HCLS1: variants seen among roughly 807,000 people sequenced by gnomAD.
HCLS1 encodes hematopoietic cell-specific Lyn substrate 1, also known as hematopoietic lineage cell-specific protein.
HCLS1 carries 44 observed loss-of-function variants against 68.6 expected under a neutral mutation model. The observed-to-expected ratio is 0.64, with a 90% CI of 0.50 to 0.82. The LOEUF is 0.82. Among genes scored for constraint, HCLS1 ranks in the 40% least tolerant of loss-of-function variants. HCLS1 has a pLI of 0.00. For synonymous variants in HCLS1, 217 were observed against 225.8 expected, an observed-to-expected ratio of 0.96 and a Z score of 0.35; for missense variants, 602 against 612.1, an observed-to-expected ratio of 0.98 and a Z score of 0.17.
At chr3:121,633,320 A>G in intron 10 of HCLS1, 149 bp from the exon 11 acceptor site, 1 of 581,984 alleles carries the variant, frequency 1.7e-6, no homozygotes, top group Non-Finnish European at 3.1e-6. Context: ...GGTTCAAGCG[A>G]TTCTCCTGCC....
intron 6 of HCLS1, among the ~76,000 whole-genome samples, chr3:121,638,490 T>G (rs2049169683): frequency 6.6e-6 from 1 of 151,946 alleles, no homozygotes. Context: ...TATAAGAGAG[T>G]GCTAGAAAAA....
At chr3:121,635,997 CT>C (rs1455479798) in intron 8 of HCLS1, among the ~76,000 whole-genome samples, 193 bp from the exon 9 acceptor site, 2 of 152,192 alleles carry the variant, frequency 1.3e-5, no homozygotes, top group Admixed American at 6.5e-5. Flanking sequence ...CTGAGTTCAG[CT>C]CCCCCTTTCA....
Position 121,647,505 on chromosome 3 carries a change from C to A in HCLS1, c.159-57G>T, listed in dbSNP as rs752177587. ...ATCCTAGGGAGATCAAGAAACCCATCTTCCCAGAAAAATGGAAGCCTTGAA... is the reference window on the plus strand; with the variant it reads ...ATCCTAGGGAGATCAAGAAACCCATATTCCCAGAAAAATGGAAGCCTTGAA... On this transcript the variant is annotated intron_variant, in intron 3 of 13. Transcript: ENST00000314583. 1.9e-6 allele frequency: 3 copies of A among 1,595,666 alleles called. No homozygotes were observed. The Admixed American group carries it at 5.2e-5, about 27-fold the overall frequency.
chr3:121,655,881 C>T (rs1162633918), intron 3 of HCLS1, among the ~76,000 whole-genome samples: 2 of 151,122 alleles, frequency 1.3e-5, no homozygotes, highest in Non-Finnish European at 1.5e-5. Context: ...CTGAGTCTCG[C>T]TCTATCACCC....
intron 3 of HCLS1, among the ~76,000 whole-genome samples, chr3:121,652,713 G>T (rs907164005): frequency 1.3e-5 from 2 of 152,134 alleles, no homozygotes; most frequent in African/African-American, 2.4e-5. Flanking sequence ...AACCTTAAAT[G>T]AAAGAGACTT....
chr3:121,655,725 C>T (rs1481138381), intron 3 of HCLS1: 40 of 138,972 alleles, frequency 2.9e-4, no homozygotes, highest in Admixed American at 6.7e-4. Flanking sequence ...AGAGGGGTAT[C>T]ACAGAAGCTT....
At chr3:121,641,037 A>G (rs1454181884) in intron 6 of HCLS1, among the ~76,000 whole-genome samples, 2 of 152,194 alleles carry the variant, frequency 1.3e-5, no homozygotes, top group Non-Finnish European at 2.9e-5. Flanking sequence ...AGAAGAGAGA[A>G]GAGGTATTAT....
chr3:121,632,475 G>A lies in HCLS1; in HGVS notation c.1097C>T (p.Pro366Leu), dbSNP rs765569784. The change falls in exon 12 of 14, where the codon CCT becomes CTT. Residue 366 changes from proline to leucine, a missense_variant. Coordinates refer to ENST00000314583, the MANE Select transcript of HCLS1 (RefSeq NM_005335.6). ...EEPVYEAEPE[P>L]EPEPEPEPEN... is the part of the protein sequence containing the mutation. ...AGGCTCGGGCTCAGGCTCGGGCTCAGGCTCAGGCTCTGCTTCGTACACTGG... is the reference window on the plus strand; with the variant it reads ...AGGCTCGGGCTCAGGCTCGGGCTCAAGCTCAGGCTCTGCTTCGTACACTGG... The A allele has an allele frequency of 1.2e-6, 2 of 1,613,736 alleles. No individual in the cohort carries two copies. The highest frequency in any genetic ancestry group is 3.3e-5 in the Admixed American group (2 of 60,002).
At chr3:121,636,143 G>A (rs1397255737) in intron 8 of HCLS1, among the ~76,000 whole-genome samples, 1 of 152,064 alleles carries the variant, frequency 6.6e-6, no homozygotes, top group African/African-American at 2.4e-5. Flanking sequence ...CTTAAGATTG[G>A]GTTAAGCAAT....
chr3:121,646,156 AT>A (rs2049245442), intron 4 of HCLS1, among the ~76,000 whole-genome samples: 2 of 114,154 alleles, frequency 1.8e-5, no homozygotes, highest in South Asian at 2.7e-4. Context: ...AAGTATATAT[AT>A]AATATATCTT....
intron 2 of HCLS1, 166 bp downstream of exon 2, chr3:121,658,098 T>A (rs1937913636): frequency 1.6e-6 from 1 of 617,304 alleles, no homozygotes; most frequent in African/African-American, 1.9e-5. Flanking sequence ...GTATCGTGCA[T>A]GCCCCACAGG....
chr3:121,640,793 AGG>A (rs1340193694), intron 6 of HCLS1, among the ~76,000 whole-genome samples: 2 of 21,694 alleles, frequency 9.2e-5, no homozygotes, highest in South Asian at 2.9e-3. Flanking sequence ...AGGGGAGGGG[AGG>A]GGAGGGGAGG....
At chr3:121,646,418 T>TA in intron 4 of HCLS1, among the ~76,000 whole-genome samples, 1 of 99,240 alleles carries the variant, frequency 1.0e-5, no homozygotes, top group African/African-American at 4.1e-5. Context: ...ATAGTAATAA[T>TA]ATGTAATATA....
At chr3:121,635,411 G>A (rs2049141491) in intron 9 of HCLS1, among the ~76,000 whole-genome samples, 1 of 151,922 alleles carries the variant, frequency 6.6e-6, no homozygotes, top group Non-Finnish European at 1.5e-5. Context: ...CCAAGTAGCT[G>A]GGATTATAGG....
At position 121,657,554 on chromosome 3, in the gene HCLS1, G is replaced by A. The variant is rs988984998; in HGVS notation, c.85-202C>T. Among the ~76,000 whole-genome samples, 23 of 152,148 alleles carry A rather than the reference G, an allele frequency of 1.5e-4. 1 individual carries two copies. The highest frequency in any genetic ancestry group is 1.5e-3 in the Admixed American group (23 of 15,266). On this transcript the variant is annotated intron_variant, in intron 2 of 13. Coordinates refer to ENST00000314583, the MANE Select transcript of HCLS1 (RefSeq NM_005335.6). ...GGTGAGGCCAGGCGTGGTGGCTTATGCCTGTAATCCTAGCATTTTAGGAGG... is the reference window on the plus strand; with the variant it reads ...GGTGAGGCCAGGCGTGGTGGCTTATACCTGTAATCCTAGCATTTTAGGAGG...
intron 6 of HCLS1, among the ~76,000 whole-genome samples, 175 bp downstream of exon 6, chr3:121,642,752 G>C (rs1024669334): frequency 6.6e-6 from 1 of 152,104 alleles, no homozygotes; most frequent in African/African-American, 2.4e-5. Context: ...CTCCCGCCTG[G>C]GTGACAGTGC....
At position 121,634,432 on chromosome 3, in the gene HCLS1, C is replaced by T. The variant is rs117353371; in HGVS notation, c.692-14G>A. 16 of 1,613,248 alleles carry T rather than the reference C, an allele frequency of 9.9e-6. No homozygotes were observed. The East Asian group carries it at 3.1e-4, about 31-fold the overall frequency. ...TACCACTAGAAGCTGCAGACACAGG[C>T]AAGAAAAATTAGGGTTGTCTTGGAT... On this transcript the variant is annotated splice_polypyrimidine_tract_variant and intron_variant, in intron 9 of 13. Coordinates refer to ENST00000314583, the MANE Select transcript of HCLS1 (RefSeq NM_005335.6).
chr3:121,639,527 TTTTTTGTTG>T (rs1283227020), intron 6 of HCLS1, among the ~76,000 whole-genome samples: 13 of 141,200 alleles, frequency 9.2e-5, no homozygotes, highest in African/African-American at 3.2e-4. Flanking sequence ...AATGATTTTA[TTTTTTGTTG>T]TTGTTGTTGT....
At chr3:121,646,392 C>CATAGTAATA (rs369880530) in intron 4 of HCLS1, among the ~76,000 whole-genome samples, 82 of 49,424 alleles carry the variant, frequency 1.7e-3, no homozygotes, top group African/African-American at 5.6e-3. Flanking sequence ...TAATATATTA[C>CATAGTAATA]TATGTAATAT....
Sources: allele counts gnomAD v4.1 joint callset (sites outside exome capture counted in the v4.1 genomes callset), GRCh38; gene constraint gnomAD v4.1.1; transcripts MANE v1.5; gene names NCBI Gene and HGNC (gene_info 2026-07-23, HGNC 2026-07-21).